Variants in PRRC2B observed in about 807,000 individuals in gnomAD.
PRRC2B encodes the protein proline rich coiled-coil 2B, also known as protein PRRC2B.
Under a neutral mutation model 242.3 loss-of-function variants are expected in PRRC2B, and 68 were observed. That is an observed-to-expected ratio of 0.28 (90% CI 0.23 to 0.34). The LOEUF (loss-of-function observed/expected upper bound fraction) is 0.34. Among genes scored for constraint, PRRC2B ranks in the 10% least tolerant of loss-of-function variants. The pLI is 1.00. For synonymous variants in PRRC2B, 1,228 were observed against 1,173.6 expected (o/e 1.05, Z -0.95); for missense variants, 2,835 against 2,954.8 (o/e 0.96, Z 0.94).
In PRRC2B at chr9:131,486,640, G is replaced by A. The variant is rs569641124; in HGVS notation, c.5856+458G>A. 124 of 683,832 alleles carry A rather than the reference G, an allele frequency of 1.8e-4. No homozygotes were observed. The African/African-American group carries it at 2.2e-3, about 12-fold the overall frequency. 42.4% of individuals were successfully genotyped at this position (683,832 alleles called of 1,614,324 possible). On this transcript the variant is annotated intron_variant, in intron 26 of 31. Transcript: ENST00000683519. ...TTTTGGAAGTCTCCCCTCTAATGCTGGTGCTGGGCCTTTGGGATGGTCTAG... is the reference window on the plus strand; with the variant it reads ...TTTTGGAAGTCTCCCCTCTAATGCTAGTGCTGGGCCTTTGGGATGGTCTAG...
rs1356384610 is a variant in PRRC2B, at chr9:131,473,577, G to A, written c.2177G>A (p.Cys726Tyr). The A allele has an allele frequency of 1.2e-6, 2 of 1,611,272 alleles. No homozygotes were observed. The highest frequency in any genetic ancestry group is 1.7e-6 in the Non-Finnish European group (2 of 1,178,794). The change falls in exon 15 of 32, where the codon TGT (cysteine) becomes TAT (tyrosine). Residue 726 changes from cysteine (C) to tyrosine (Y), a missense_variant. Cys to Tyr is a radical substitution (Grantham distance 194, BLOSUM62 -2). This residue lies in a region of PRRC2B where 1,536 missense variants were observed against 1,483.1 expected (regional missense o/e 1.04). Coordinates refer to ENST00000683519, the MANE Select transcript of PRRC2B (RefSeq NM_013318.4). ...GGCTGTCGCTCTGAGGATCAGAACT[G>A]TGTGCCCCCACTCCAAGAAAGAAAA... ...GTGCRSEDQN[C>Y]VPPLQERKVT...
chr9:131,462,605 C>G lies in PRRC2B; in HGVS notation c.1405-2158C>G, dbSNP rs1055067996. On this transcript the variant is annotated intron_variant, in intron 11 of 31. Transcript: ENST00000683519. ...CTGTAATCCCAGCACTTTGGGAGGC[C>G]GAGGCGGGTGGATCACGAGGTCAGA... Among the ~76,000 whole-genome samples the G allele has an allele frequency of 2.6e-4, 40 of 151,358 alleles. No homozygotes were observed. In the South Asian group the frequency reaches 8.2e-3, roughly 31 times the overall value.
Position 131,432,724 on chromosome 9 carries a change from C to T in PRRC2B, c.223C>T (p.Pro75Ser), listed in dbSNP as rs1414819528. The change falls in exon 3 of 32, where the codon CCC (proline) becomes TCC (serine). Residue 75 changes from proline (P) to serine (S), a missense_variant. Pro to Ser is a moderately conservative substitution (Grantham distance 74). This residue lies in a region of PRRC2B where 626 missense variants were observed against 685.5 expected (regional missense o/e 0.91). Coordinates refer to ENST00000683519, the MANE Select transcript of PRRC2B (RefSeq NM_013318.4). The stretch of plus-strand genomic sequence containing the variant: ...GAAGTCTGAAAACAAAGGAAACGAC[C>T]CCAACATCGTGATAGTACCCAAGGA... ...SLKSENKGND[P>S]NIVIVPKDGT... 9.9e-6 allele frequency: 16 copies of T among 1,614,020 alleles called. No individual in the cohort carries two copies. The highest frequency in any genetic ancestry group is 1.6e-4 in the Middle Eastern group (1 of 6,062).
intron 1 of PRRC2B, among the ~76,000 whole-genome samples, chr9:131,397,620 C>T (rs117816838): frequency 0.013 from 1,730 of 129,746 alleles, 17 homozygotes; most frequent in Non-Finnish European, 0.02. Flanking sequence ...TTGCTAATGG[C>T]TGTGGCTGTA....
upstream of PRRC2B, among the ~76,000 whole-genome samples, chr9:131,393,898 C>T (rs1836956640): frequency 6.6e-6 from 1 of 151,270 alleles, no homozygotes; most frequent in South Asian, 2.1e-4. Flanking sequence ...CCGCCGCTCC[C>T]CGCCCCTCCC....
chr9:131,468,572 A>G (rs147789971), intron 13 of PRRC2B, among the ~76,000 whole-genome samples: 1 of 152,264 alleles, frequency 6.6e-6, no homozygotes, highest in African/African-American at 2.4e-5. Context: ...CTCATCAGCA[A>G]TCGTGCCTAC....
At chr9:131,457,826 C>T (rs1463267125) in intron 10 of PRRC2B, among the ~76,000 whole-genome samples, 1 of 152,102 alleles carries the variant, frequency 6.6e-6, no homozygotes, top group Non-Finnish European at 1.5e-5. Context: ...TAGGAATCAC[C>T]GTTGTCCCCT....
chr9:131,426,224 G>C (rs1288649357), intron 1 of PRRC2B, among the ~76,000 whole-genome samples: 1 of 151,158 alleles, frequency 6.6e-6, no homozygotes, highest in Non-Finnish European at 1.5e-5. Context: ...TGTAAGCCCA[G>C]CTACTCAGGA....
chr9:131,402,408 C>T (rs202053927), intron 1 of PRRC2B, among the ~76,000 whole-genome samples: 2 of 152,222 alleles, frequency 1.3e-5, no homozygotes, highest in South Asian at 4.1e-4. Flanking sequence ...ATCCATGTTG[C>T]AGCATGTGTC....
intron 4 of PRRC2B, 26 bp downstream of exon 4, chr9:131,436,748 TGTTTCCTGGGCATG>T (rs1269620107): frequency 4.5e-6 from 7 of 1,571,334 alleles, no homozygotes; most frequent in Non-Finnish European, 6.1e-6. Context: ...CCATCCCAAC[TGTTTCCTGGGCATG>T]GTAGCCCCTA....
intron 18 of PRRC2B, 41 bp from the exon 19 acceptor site, chr9:131,479,211 G>C (rs756776711): frequency 5.2e-5 from 83 of 1,604,458 alleles, no homozygotes; most frequent in Admixed American, 1.3e-4. Context: ...TGTCAGTCTT[G>C]GTGCCTTTGG....
intron 28 of PRRC2B, among the ~76,000 whole-genome samples, chr9:131,489,267 C>G (rs1588283136): frequency 6.6e-6 from 1 of 151,344 alleles, no homozygotes; most frequent in African/African-American, 2.4e-5. Flanking sequence ...TCACTGCAAC[C>G]TCTCTGTCTC....
At position 131,495,939 on chromosome 9, in the gene PRRC2B, G is replaced by T; in HGVS notation, c.*65G>T. The T allele has an allele frequency of 6.4e-7, 1 of 1,569,492 alleles. No homozygotes were observed. Among genetic ancestry groups the T allele is most frequent in the Non-Finnish European group, 8.7e-7 (1 of 1,153,000 alleles). On this transcript the variant is annotated 3_prime_UTR_variant, in exon 32 of 32. Coordinates refer to ENST00000683519, the MANE Select transcript of PRRC2B (RefSeq NM_013318.4). Reference sequence around the variant, plus strand: ...GGTGCCGCCATGCGGCCTCGACACAGCCGACACTCGGGAGCCTCACCAGAT... The same window carrying T: ...GGTGCCGCCATGCGGCCTCGACACATCCGACACTCGGGAGCCTCACCAGAT...
upstream of PRRC2B, among the ~76,000 whole-genome samples, chr9:131,393,109 C>A (rs1319867829): frequency 6.6e-6 from 1 of 152,084 alleles, no homozygotes; most frequent in East Asian, 1.9e-4. Flanking sequence ...CTTCTGGGTC[C>A]AGCAGTGTGG....
chr9:131,452,861 G>T (rs1942963664), intron 9 of PRRC2B, among the ~76,000 whole-genome samples: 1 of 152,140 alleles, frequency 6.6e-6, no homozygotes, highest in Admixed American at 6.5e-5. Flanking sequence ...ATCTGTCTTG[G>T]AGAATATTTC....
chr9:131,418,908 C>T (rs762966899), intron 1 of PRRC2B, among the ~76,000 whole-genome samples: 26 of 152,152 alleles, frequency 1.7e-4, no homozygotes, highest in Non-Finnish European at 2.6e-4. Context: ...AGTATTGCAG[C>T]GTGACAGCAC....
intron 1 of PRRC2B, among the ~76,000 whole-genome samples, chr9:131,375,014 A>C (rs1836666222): frequency 6.6e-6 from 1 of 152,166 alleles, no homozygotes; most frequent in African/African-American, 2.4e-5. Context: ...GGTAGACTGG[A>C]GACAGACTAC....
chr9:131,487,419 G>A lies in PRRC2B; in HGVS notation c.5984+125G>A. 1.2e-6 allele frequency: 1 copy of A among 825,640 alleles called. No homozygotes were observed. The highest frequency in any genetic ancestry group is 1.8e-6 in the Non-Finnish European group (1 of 542,896). 51.1% of individuals were successfully genotyped at this position (825,640 alleles called of 1,614,324 possible). A position where few individuals can be genotyped will look rare whatever the true frequency, so the allele number is the denominator to read the frequency against. On this transcript the variant is annotated intron_variant, in intron 27 of 31. Transcript: ENST00000683519. This position sits in a 1 kb window ranked among gnomAD's most constrained non-coding sequence, Gnocchi z 5.3. Reference sequence around the variant, plus strand: ...TGGGGCCAGTGGGGCGGGGAGGGGTGGGAGTTTGCTCTGAATCACTCTTCA... The same window carrying A: ...TGGGGCCAGTGGGGCGGGGAGGGGTAGGAGTTTGCTCTGAATCACTCTTCA...
At chr9:131,472,385 A>G (rs575425505) in intron 14 of PRRC2B, among the ~76,000 whole-genome samples, 3 of 151,548 alleles carry the variant, frequency 2.0e-5, no homozygotes, top group African/African-American at 7.3e-5. Context: ...ACTCACTGCA[A>G]CCTCCGCCTC....
Sources: gnomAD v4.1 joint callset for allele counts (sites outside exome capture counted in the v4.1 genomes callset) on GRCh38, gnomAD v4.1.1 for gene constraint, gnomAD v4.1.1 regional missense constraint, Gnocchi (gnomAD v3.1) non-coding constraint, MANE v1.5 for transcripts, NCBI Gene and HGNC (gene_info 2026-07-23, HGNC 2026-07-21) for gene names.